The following ZKSCAN7 variants were observed in gnomAD, a reference collection of about 807,000 sequenced individuals.
ZKSCAN7 encodes the protein zinc finger with KRAB and SCAN domains 7.
ZKSCAN7 carries 38 observed loss-of-function variants against 65.3 expected under a neutral mutation model. The observed-to-expected ratio is 0.58, with a 90% CI of 0.45 to 0.76. ZKSCAN7 has a LOEUF of 0.76. Ranked by LOEUF, ZKSCAN7 falls within the 30% of genes least tolerant of loss-of-function variation. The pLI is 0.00. For missense variants in ZKSCAN7, 815 were observed against 913.3 expected (o/e 0.89, Z 1.39); for synonymous variants, 321 against 321.0 (o/e 1.00, Z 0.00).
Position 44,570,898 on chromosome 3 carries a change from G to C in ZKSCAN7, c.1788G>C (p.Glu596Asp). The part of the protein sequence containing the change: ...KAFNQNSQLI[E>D]HERIHTGEKP... Reference sequence around the variant, plus strand: ...TCAATCAGAACTCTCAACTCATTGAGCATGAGCGAATTCATACTGGAGAAA... The same window carrying C: ...TCAATCAGAACTCTCAACTCATTGACCATGAGCGAATTCATACTGGAGAAA... Residue 596 changes from glutamate (E) to aspartate (D), a missense_variant, in exon 6 of 6, where the codon GAG becomes GAC. Glu to Asp is a conservative substitution (Grantham distance 45). Coordinates refer to ENST00000426540, the MANE Select transcript of ZKSCAN7 (RefSeq NM_001288590.2). 7.4e-6 allele frequency: 12 copies of C among 1,614,040 alleles called. No individual in the cohort carries two copies. Among genetic ancestry groups the C allele is most frequent in the Non-Finnish European group, 1.0e-5 (12 of 1,179,900 alleles).
At position 44,563,720 on chromosome 3, in the gene ZKSCAN7, C is replaced by T. The variant is rs573405383; in HGVS notation, c.424-1767C>T. On this transcript the variant is annotated intron_variant, in intron 2 of 5. Coordinates refer to ENST00000426540, the MANE Select transcript of ZKSCAN7 (RefSeq NM_001288590.2). ...CCTCCAATTCAACATGAGATTTGGG[C>T]GGGGACAGAAATCCAAACCATATCA... Among the ~76,000 whole-genome samples the T allele has an allele frequency of 2.6e-4, 38 of 146,098 alleles. No homozygotes were observed. In the East Asian group the frequency reaches 6.9e-3, roughly 27 times the overall value.
downstream of ZKSCAN7, among the ~76,000 whole-genome samples, chr3:44,572,347 TGTGTGTGTG>T (rs1699829618): frequency 4.7e-4 from 1 of 2,140 alleles, no homozygotes; most frequent in Admixed American, 3.1e-3. Context: ...GAATGGATTT[TGTGTGTGTG>T]TGTGTGTGTG....
intron 5 of ZKSCAN7, chr3:44,580,582 G>C (rs1700049554): frequency 6.2e-7 from 1 of 1,613,880 alleles, no homozygotes; most frequent in Non-Finnish European, 8.5e-7. Context: ...TTGGTCCGGG[G>C]ATAGACCATG....
intron 1 of ZKSCAN7, among the ~76,000 whole-genome samples, chr3:44,556,636 C>G (rs950377095): frequency 2.0e-5 from 3 of 152,214 alleles, no homozygotes; most frequent in Non-Finnish European, 1.5e-5. Flanking sequence ...GAGACCATTG[C>G]TGTCTTTCTA....
intron 4 of ZKSCAN7, 129 bp downstream of exon 4, chr3:44,568,132 C>G (rs1315223507): frequency 6.5e-7 from 1 of 1,543,254 alleles, no homozygotes; most frequent in Non-Finnish European, 8.8e-7. Flanking sequence ...ATTACTTCCC[C>G]TGGAGGTAAT....
chr3:44,557,358 G>A lies in ZKSCAN7; in HGVS notation c.311G>A (p.Ser104Asn). The A allele has an allele frequency of 1.2e-6, 2 of 1,614,256 alleles. No individual in the cohort carries two copies. The highest frequency in any genetic ancestry group is 2.2e-5 in the East Asian group (1 of 44,884). The change falls in exon 2 of 6, where the codon AGC becomes AAC. Residue 104 changes from serine to asparagine, a missense_variant. Transcript: ENST00000426540. ...LELLVLEQFLSILPGELRTWV... is the reference protein window; with the variant it reads ...LELLVLEQFLNILPGELRTWV... ...CTGCTGGTGCTTGAGCAGTTCCTGAGCATCCTCCCTGGGGAGCTCCGGACC... is the reference window on the plus strand; with the variant it reads ...CTGCTGGTGCTTGAGCAGTTCCTGAACATCCTCCCTGGGGAGCTCCGGACC...
chr3:44,578,392 A>C (rs1699972922), intron 5 of ZKSCAN7: 1 of 1,613,704 alleles, frequency 6.2e-7, no homozygotes, highest in Non-Finnish European at 8.5e-7. Flanking sequence ...CGCCGTCCCC[A>C]GTCAGCAGCG....
chr3:44,567,394 G>A (rs564777460), intron 3 of ZKSCAN7, among the ~76,000 whole-genome samples: 35 of 152,188 alleles, frequency 2.3e-4, no homozygotes, highest in Non-Finnish European at 4.7e-4. Flanking sequence ...AACTTAAAGT[G>A]TTGCAGGACA....
At chr3:44,579,976 G>GC (rs201013054) in intron 5 of ZKSCAN7, 99 of 1,480,046 alleles carry the variant, frequency 6.7e-5, no homozygotes, top group South Asian at 6.2e-4. Context: ...AGAGGAGCTT[G>GC]GGGGGGGGCT....
Position 44,571,387 on chromosome 3 carries a change from CT to C in ZKSCAN7, c.*13del. On this transcript the variant is annotated 3_prime_UTR_variant, in exon 6 of 6. Transcript: ENST00000426540. ...GGTCAGTTTCTTAAGGTATGGTTCT[CT>C]GAGACAGAGAGCAACGACCTTTGAG... 6.2e-7 allele frequency: 1 copy of C among 1,613,330 alleles called. No homozygotes were observed. Among genetic ancestry groups the C allele is most frequent in the Admixed American group, 1.7e-5 (1 of 60,022 alleles).
chr3:44,566,466 G>A (rs917905340), intron 3 of ZKSCAN7, among the ~76,000 whole-genome samples: 1 of 152,070 alleles, frequency 6.6e-6, no homozygotes, highest in Non-Finnish European at 1.5e-5. Flanking sequence ...AGAGAGGAAC[G>A]GGCAAGGATA....
In ZKSCAN7 at chr3:44,563,459, T is replaced by G. The variant is rs190055686; in HGVS notation, c.424-2028T>G. On this transcript the variant is annotated intron_variant, in intron 2 of 5. Transcript: ENST00000426540. ...TCAGTCGACTCACAGTTCTGCAGGC[T>G]TAACAGAAAGCATGACTGGGAGGCC... Among the ~76,000 whole-genome samples the G allele has an allele frequency of 1.6e-3, 237 of 152,306 alleles. 2 individuals carry two copies. Among genetic ancestry groups the G allele is most frequent in the African/African-American group, 5.2e-3 (215 of 41,558 alleles).
chr3:44,575,939 C>A (rs1374709510), downstream of ZKSCAN7, among the ~76,000 whole-genome samples: 4 of 152,118 alleles, frequency 2.6e-5, no homozygotes, highest in Admixed American at 2.6e-4. Context: ...ATTTTGCTGG[C>A]TGTGCAAAAT....
rs1699324665 is a variant in ZKSCAN7 at position 44,557,277 on chromosome 3, A to G, written c.230A>G (p.Glu77Gly). The G allele has an allele frequency of 6.2e-7, 1 of 1,614,254 alleles. No individual in the cohort carries two copies. The highest frequency in any genetic ancestry group is 1.7e-5 in the Admixed American group (1 of 60,030). The change falls in exon 2 of 6, where the codon GAG (glutamate) becomes GGG (glycine). Residue 77 changes from glutamate (E) to glycine (G), a missense_variant. Transcript: ENST00000426540. ...CAGGAAGCATTGAGCCGGCTTCGGG[A>G]GCTCTGCCGCTGGTGGCTCATGCCA... Reference protein sequence around the residue: ...GPQEALSRLRELCRWWLMPEV... With the variant: ...GPQEALSRLRGLCRWWLMPEV...
chr3:44,557,387 G>C lies in ZKSCAN7; in HGVS notation c.340G>C (p.Val114Leu), dbSNP rs933262366. 15 of 1,614,256 alleles carry C rather than the reference G, an allele frequency of 9.3e-6. No homozygotes were observed. Among genetic ancestry groups the C allele is most frequent in the Non-Finnish European group, 1.2e-5 (14 of 1,180,042 alleles). Residue 114 changes from valine (V) to leucine (L), a missense_variant, in exon 2 of 6, where the codon GTG becomes CTG. Val to Leu is a conservative substitution (Grantham distance 32). Coordinates refer to ENST00000426540, the MANE Select transcript of ZKSCAN7 (RefSeq NM_001288590.2). ...CCTCCCTGGGGAGCTCCGGACCTGG[G>C]TGCAGCTGCATCACCCTGAGAGTGG... The part of the protein sequence containing the change: ...SILPGELRTW[V>L]QLHHPESGEE...
chr3:44,560,388 T>G (rs1329882114), intron 2 of ZKSCAN7, among the ~76,000 whole-genome samples: 1 of 152,194 alleles, frequency 6.6e-6, no homozygotes, highest in African/African-American at 2.4e-5. Context: ...GCAAGCCACT[T>G]TATTGCTGCA....
chr3:44,565,773 CCTT>C (rs1412654291), intron 3 of ZKSCAN7, 118 bp downstream of exon 3: 4 of 1,082,522 alleles, frequency 3.7e-6, no homozygotes, highest in East Asian at 5.9e-5. Flanking sequence ...TGCTGTCTGT[CCTT>C]CTTCCCTAGT....
At chr3:44,574,763 C>A (rs1474543639), downstream of ZKSCAN7, among the ~76,000 whole-genome samples, 5 of 151,788 alleles carry the variant, frequency 3.3e-5, no homozygotes, top group African/African-American at 1.2e-4. Context: ...AACCCCATCT[C>A]TATTAAAAAT....
At chr3:44,572,284 C>A, downstream of ZKSCAN7, 3 of 947,506 alleles carry the variant, frequency 3.2e-6, no homozygotes, top group Non-Finnish European at 3.8e-6. Flanking sequence ...TTACTGATAT[C>A]TTTTACATAT....
Sources: allele counts gnomAD v4.1 joint callset (sites outside exome capture counted in the v4.1 genomes callset), GRCh38; gene constraint gnomAD v4.1.1; transcripts MANE v1.5; gene names NCBI Gene and HGNC (gene_info 2026-07-23, HGNC 2026-07-21).